PRTG: variants seen among roughly 807,000 people sequenced by gnomAD.
The protein encoded by PRTG is protogenin, also known as immunoglobulin superfamily, DCC subclass, member 5.
In PRTG, 67 loss-of-function variants were observed where a neutral mutation model predicts 122.5. The ratio of observed to expected loss-of-function variants is 0.55; its 90% CI spans 0.45 to 0.67. The LOEUF (loss-of-function observed/expected upper bound fraction) is 0.67, where lower values mean the gene tolerates loss of function less well. PRTG is among the 30% of genes least tolerant of loss of function. The probability of loss-of-function intolerance (pLI) is 0.00; values close to 1 mark genes in which losing one functional copy is unlikely to be tolerated. For synonymous variants in PRTG, 554 were observed against 501.1 expected (o/e 1.11, Z -1.41); for missense variants, 1,435 against 1,415.4 (o/e 1.01, Z -0.22).
intron 15 of PRTG, among the ~76,000 whole-genome samples, chr15:55,636,416 TAA>T (rs2059258055): frequency 6.6e-6 from 1 of 151,998 alleles, no homozygotes; most frequent in Non-Finnish European, 1.5e-5. Flanking sequence ...ATCAGAAACC[TAA>T]GACTCATCCA....
In PRTG at chr15:55,612,111, G is replaced by A. The variant is rs1173094923; in HGVS notation, c.*7901C>T. On this transcript the variant is annotated 3_prime_UTR_variant, in exon 20 of 20. Transcript: ENST00000389286. ...CTTAACATATGTCCTCTACTCTACT[G>A]ATAGGCTAAGGCAATGTGTGTGTAT... The A allele has an allele frequency of 6.6e-6, 1 of 152,004 alleles. No individual in the cohort carries two copies. Among genetic ancestry groups the A allele is most frequent in the African/African-American group, 2.4e-5 (1 of 41,410 alleles). 9.4% of individuals were successfully genotyped at this position (152,004 alleles called of 1,614,324 possible).
intron 8 of PRTG, among the ~76,000 whole-genome samples, chr15:55,677,144 T>G (rs923568353): frequency 1.3e-5 from 2 of 152,132 alleles, no homozygotes; most frequent in Non-Finnish European, 2.9e-5. Flanking sequence ...CTCTAAGACA[T>G]TTGCTAAAAG....
chr15:55,669,572 C>G (rs914751251), intron 11 of PRTG, among the ~76,000 whole-genome samples: 1 of 152,182 alleles, frequency 6.6e-6, no homozygotes, highest in African/African-American at 2.4e-5. Flanking sequence ...GTGAGTTAAA[C>G]GTATTTGACT....
At chr15:55,736,380 CTTTT>C (rs68147473) in intron 2 of PRTG, among the ~76,000 whole-genome samples, 20,744 of 147,634 alleles carry the variant, frequency 0.14, 1,815 homozygotes, top group East Asian at 0.35. Flanking sequence ...ACTTCCCCAT[CTTTT>C]TTTTTTTAAC....
At chr15:55,717,100 T>C (rs186633161) in intron 2 of PRTG, among the ~76,000 whole-genome samples, 126 of 152,292 alleles carry the variant, frequency 8.3e-4, no homozygotes, top group African/African-American at 2.8e-3. Flanking sequence ...CCTAACTCTT[T>C]ACTGTTCCAT....
At chr15:55,632,488 T>A (rs974824219) in intron 15 of PRTG, among the ~76,000 whole-genome samples, 9 of 152,166 alleles carry the variant, frequency 5.9e-5, no homozygotes, top group Non-Finnish European at 8.8e-5. Flanking sequence ...AATACCTTCC[T>A]CTCTCTTAGA....
chr15:55,629,169 T>C (rs2059211762), intron 15 of PRTG, among the ~76,000 whole-genome samples, 165 bp from the exon 16 acceptor site: 1 of 152,174 alleles, frequency 6.6e-6, no homozygotes, highest in Non-Finnish European at 1.5e-5. Context: ...TTACAATCTT[T>C]CATTGTTAAC....
Position 55,682,513 on chromosome 15 carries a change from G to T in PRTG, c.543-16C>A. On this transcript the variant is annotated splice_polypyrimidine_tract_variant and intron_variant, in intron 3 of 19. Coordinates refer to ENST00000389286, the MANE Select transcript of PRTG (RefSeq NM_173814.6). ...GGCAGTTATCCTGTTATGAGAGAAA[G>T]ATAATTAAACTTTTTGTAGTAGATT... 1 of 1,388,372 alleles carries T rather than the reference G, an allele frequency of 7.2e-7. No homozygotes were observed. Among genetic ancestry groups the T allele is most frequent in the Non-Finnish European group, 9.5e-7 (1 of 1,051,700 alleles). The allele number at this position is 1,388,372 out of a possible 1,614,324, so 86.0% of individuals were successfully genotyped here. A position where few individuals can be genotyped will look rare whatever the true frequency, so the allele number is the denominator to read the frequency against.
chr15:55,719,940 G>A (rs1170119160), intron 2 of PRTG, among the ~76,000 whole-genome samples: 1 of 151,676 alleles, frequency 6.6e-6, no homozygotes, highest in African/African-American at 2.4e-5. Context: ...TGGGCGCCTG[G>A]TCCCACCTAC....
intron 2 of PRTG, among the ~76,000 whole-genome samples, chr15:55,693,007 A>ATT (rs989580703): frequency 2.8e-5 from 4 of 142,078 alleles, no homozygotes; most frequent in African/African-American, 1.0e-4. Flanking sequence ...CGGCCAGCTA[A>ATT]TTTTTTTTTT....
chr15:55,627,250 C>A, intron 16 of PRTG, 122 bp from the exon 17 acceptor site: 1 of 511,458 alleles, frequency 2.0e-6, no homozygotes, highest in Non-Finnish European at 3.3e-6. Flanking sequence ...TTGACATTGT[C>A]AACATCAAAG....
chr15:55,620,748 A>T lies in PRTG; in HGVS notation c.3113T>A (p.Ile1038Asn). The T allele has an allele frequency of 6.3e-7, 1 of 1,595,338 alleles. No individual in the cohort carries two copies. The highest frequency in any genetic ancestry group is 8.5e-7 in the Non-Finnish European group (1 of 1,175,454). Reference protein sequence around the residue: ...IDAKGGTDLIINSYGPIIKNN... With the variant: ...IDAKGGTDLINNSYGPIIKNN... ...TTTAATTATAGGACCATAGCTATTA[A>T]TTATCAGGTCAGTTCCTCCCTGAGG... is the stretch of plus-strand genomic sequence containing the variant. The change falls in exon 19 of 20, where the codon ATT becomes AAT. Residue 1038 changes from isoleucine to asparagine, a missense_variant. Coordinates refer to ENST00000389286, the MANE Select transcript of PRTG (RefSeq NM_173814.6).
intron 2 of PRTG, among the ~76,000 whole-genome samples, chr15:55,689,452 G>C (rs1454146782): frequency 6.6e-6 from 1 of 152,050 alleles, no homozygotes; most frequent in Non-Finnish European, 1.5e-5. Context: ...CCAACAAACA[G>C]ACTTGTTAGT....
chr15:55,737,120 G>A (rs913753427), intron 2 of PRTG, among the ~76,000 whole-genome samples: 4 of 152,140 alleles, frequency 2.6e-5, no homozygotes, highest in Non-Finnish European at 5.9e-5. Context: ...TAGTACCCAT[G>A]AAAGTGAAAA....
At chr15:55,674,951 T>G (rs990594060) in intron 9 of PRTG, among the ~76,000 whole-genome samples, 4 of 152,086 alleles carry the variant, frequency 2.6e-5, no homozygotes, top group African/African-American at 9.7e-5. Flanking sequence ...TGGATGAAAT[T>G]TCCCACCATT....
At position 55,664,997 on chromosome 15, in the gene PRTG, G is replaced by A. The variant is rs113017431; in HGVS notation, c.2041+7448C>T. Among the ~76,000 whole-genome samples, 1,370 of 152,072 alleles carry A rather than the reference G, an allele frequency of 9.0e-3. 25 individuals carry two copies. The highest frequency in any genetic ancestry group is 0.032 in the African/African-American group (1,311 of 41,508). ...ATGTTGGCCAGGCGCAGTGGCTCAC[G>A]CCTGTAATCCCAGCACTTTGGGAGG... is the stretch of plus-strand genomic sequence containing the variant. On this transcript the variant is annotated intron_variant, in intron 11 of 19. Transcript: ENST00000389286.
intron 11 of PRTG, among the ~76,000 whole-genome samples, chr15:55,647,433 T>G (rs2059330369): frequency 6.6e-6 from 1 of 152,214 alleles, no homozygotes; most frequent in African/African-American, 2.4e-5. Flanking sequence ...TAAATTTCAA[T>G]CTACCAAACA....
chr15:55,716,715 T>G (rs56284509), intron 2 of PRTG, among the ~76,000 whole-genome samples: 177 of 152,342 alleles, frequency 1.2e-3, no homozygotes, highest in Non-Finnish European at 1.7e-3. Flanking sequence ...TTTTAAGATT[T>G]TAACTGAGTT....
chr15:55,642,906 A>G (rs1278600476), intron 11 of PRTG, among the ~76,000 whole-genome samples: 2 of 152,036 alleles, frequency 1.3e-5, no homozygotes, highest in African/African-American at 4.8e-5. Context: ...TCGCATCTCT[A>G]TAAAAAATAA....
Sources: allele counts gnomAD v4.1 joint callset (sites outside exome capture counted in the v4.1 genomes callset), GRCh38; gene constraint gnomAD v4.1.1; transcripts MANE v1.5; gene names NCBI Gene and HGNC (gene_info 2026-07-23, HGNC 2026-07-21).